The following PSMA8 variants were observed in gnomAD, a reference collection of about 807,000 sequenced individuals.
PSMA8 encodes proteasome 20S subunit alpha 8.
Under a neutral mutation model 32.4 loss-of-function variants are expected in PSMA8, and 18 were observed. The ratio of observed to expected loss-of-function variants is 0.56; its 90% CI spans 0.38 to 0.82. The LOEUF is 0.82. Ranked by LOEUF, PSMA8 falls within the 40% of genes least tolerant of loss-of-function variation. PSMA8 has a pLI of 0.00. For missense variants in PSMA8, 298 were observed against 300.7 expected (o/e 0.99, Z 0.07); for synonymous variants, 104 against 98.1 (o/e 1.06, Z -0.36).
chr18:26,175,249 C>A (rs190093984), intron 4 of PSMA8, among the ~76,000 whole-genome samples: 5 of 152,238 alleles, frequency 3.3e-5, no homozygotes, highest in East Asian at 1.9e-4. Flanking sequence ...TTAGCAGAGA[C>A]CTTGTCCTTC....
chr18:26,153,385 G>T (rs1053851222), intron 3 of PSMA8, among the ~76,000 whole-genome samples: 2 of 151,808 alleles, frequency 1.3e-5, no homozygotes, highest in African/African-American at 4.8e-5. Flanking sequence ...ATTGTAATTG[G>T]TTTTCAGATT....
Position 26,133,875 on chromosome 18 carries a change from G to A in PSMA8, c.-91G>A. 8 of 1,125,758 alleles carry A rather than the reference G, an allele frequency of 7.1e-6. No homozygotes were observed. The highest frequency in any genetic ancestry group is 4.0e-5 in the South Asian group (3 of 75,088). 69.7% of individuals were successfully genotyped at this position (1,125,758 alleles called of 1,614,324 possible). A position where few individuals can be genotyped will look rare whatever the true frequency, so the allele number is the denominator to read the frequency against. On this transcript the variant is annotated 5_prime_UTR_variant, in exon 1 of 7. Transcript: ENST00000415576. Reference sequence around the variant, plus strand: ...TTGAGGCGCGTGTGGAAGCGCTTCCGGGCGGTAGCACGCTGTGTTGGCGGC... The same window carrying A: ...TTGAGGCGCGTGTGGAAGCGCTTCCAGGCGGTAGCACGCTGTGTTGGCGGC...
intron 6 of PSMA8, among the ~76,000 whole-genome samples, 189 bp from the exon 7 acceptor site, chr18:26,192,130 G>T (rs183636881): frequency 1.3e-3 from 200 of 152,298 alleles, no homozygotes; most frequent in South Asian, 4.4e-3. Flanking sequence ...AAATGTCAGA[G>T]ATCTGGTTTT....
rs115424183 is a variant in PSMA8 at position 26,161,144 on chromosome 18, A to G, written c.477+2900A>G. 4.2e-3 allele frequency among the ~76,000 whole-genome samples: 643 copies of G among 152,298 alleles called. 3 individuals are homozygous for G. The highest frequency in any genetic ancestry group is 0.015 in the African/African-American group (610 of 41,548). On this transcript the variant is annotated intron_variant, in intron 4 of 6. Coordinates refer to ENST00000415576, the MANE Select transcript of PSMA8 (RefSeq NM_001025096.2). The stretch of plus-strand genomic sequence containing the variant: ...CAGCTTGTAGTTCCGTGAAATTATT[A>G]TGTCCCCTGATAGAAACATCCTCCC...
At chr18:26,149,882 C>A (rs950957341) in intron 2 of PSMA8, among the ~76,000 whole-genome samples, 2 of 152,080 alleles carry the variant, frequency 1.3e-5, no homozygotes, top group African/African-American at 4.8e-5. Context: ...GAATATGACA[C>A]TAAAAGTACA....
At chr18:26,177,393 C>T (rs1320565905) in intron 4 of PSMA8, among the ~76,000 whole-genome samples, 2 of 152,212 alleles carry the variant, frequency 1.3e-5, no homozygotes, top group Non-Finnish European at 2.9e-5. Flanking sequence ...CCTATTTTAA[C>T]CTTTCCAAAC....
chr18:26,144,829 C>A, intron 2 of PSMA8, 144 bp downstream of exon 2: 1 of 652,116 alleles, frequency 1.5e-6, no homozygotes, highest in Non-Finnish European at 2.3e-6. Flanking sequence ...AAAGCAAATA[C>A]TAACTTTGTA....
At chr18:26,151,548 G>T (rs1488094464) in intron 2 of PSMA8, among the ~76,000 whole-genome samples, 1 of 152,162 alleles carries the variant, frequency 6.6e-6, no homozygotes, top group Non-Finnish European at 1.5e-5. Flanking sequence ...TGAATTCAGT[G>T]AATATATATT....
chr18:26,137,208 A>G (rs1381784738), intron 1 of PSMA8, among the ~76,000 whole-genome samples: 1 of 152,184 alleles, frequency 6.6e-6, no homozygotes, highest in East Asian at 1.9e-4. Context: ...CTGTAATGCT[A>G]GCACTTTGGG....
chr18:26,161,431 C>G (rs2055134276), intron 4 of PSMA8, among the ~76,000 whole-genome samples: 1 of 152,174 alleles, frequency 6.6e-6, no homozygotes, highest in Non-Finnish European at 1.5e-5. Flanking sequence ...ATAGCCTGTT[C>G]TAGAATTACT....
chr18:26,171,202 T>A, intron 4 of PSMA8: 3 of 1,559,672 alleles, frequency 1.9e-6, no homozygotes, highest in Non-Finnish European at 2.6e-6. Flanking sequence ...AATTCATTCC[T>A]GAGCGGTGGC....
At position 26,152,000 on chromosome 18, in the gene PSMA8, C is replaced by T. The variant is rs377041693; in HGVS notation, c.354+18C>T. ...TAAAGCAGGTAAGCTAATATTCTAA[C>T]ATACTTTGTTAAGCTTTCTCCTTTT... On this transcript the variant is annotated intron_variant, in intron 3 of 6. Coordinates refer to ENST00000415576, the MANE Select transcript of PSMA8 (RefSeq NM_001025096.2). 38 of 1,581,328 alleles carry T rather than the reference C, an allele frequency of 2.4e-5. No homozygotes were observed. The highest frequency in any genetic ancestry group is 3.3e-5 in the Non-Finnish European group (38 of 1,167,634).
intron 2 of PSMA8, among the ~76,000 whole-genome samples, chr18:26,145,956 T>G (rs1408245223): frequency 6.6e-6 from 1 of 152,230 alleles, no homozygotes; most frequent in Admixed American, 6.5e-5. Flanking sequence ...TTATACTATT[T>G]TAAATTCCAA....
intron 6 of PSMA8, among the ~76,000 whole-genome samples, chr18:26,186,994 C>T (rs1442011900): frequency 6.6e-6 from 1 of 152,178 alleles, no homozygotes; most frequent in East Asian, 1.9e-4. Flanking sequence ...GGCCAGGAAT[C>T]AGTAGAAAGG....
At chr18:26,156,815 C>G (rs2144303780) in intron 3 of PSMA8, among the ~76,000 whole-genome samples, 1 of 150,916 alleles carries the variant, frequency 6.6e-6, no homozygotes, top group East Asian at 1.9e-4. Context: ...GAGACAGGAT[C>G]TCACTCTGTC....
chr18:26,153,991 G>T (rs1204287685), intron 3 of PSMA8, among the ~76,000 whole-genome samples: 2 of 151,796 alleles, frequency 1.3e-5, no homozygotes, highest in South Asian at 2.1e-4. Flanking sequence ...AACCTCTGCC[G>T]CACAGGTTCA....
intron 4 of PSMA8, among the ~76,000 whole-genome samples, chr18:26,158,950 G>A (rs2055113075): frequency 6.6e-6 from 1 of 152,050 alleles, no homozygotes; most frequent in South Asian, 2.1e-4. Flanking sequence ...TCCAGCCCAG[G>A]TGACAGAGCA....
chr18:26,190,013 G>T (rs1320222486), intron 6 of PSMA8, among the ~76,000 whole-genome samples: 1 of 152,176 alleles, frequency 6.6e-6, no homozygotes, highest in Non-Finnish European at 1.5e-5. Flanking sequence ...GATGGAACTG[G>T]AGATCATTAT....
At chr18:26,138,036 A>G (rs1315776734) in intron 1 of PSMA8, among the ~76,000 whole-genome samples, 1 of 152,224 alleles carries the variant, frequency 6.6e-6, no homozygotes, top group Non-Finnish European at 1.5e-5. Flanking sequence ...TTGTTGAAGC[A>G]ATGGAAAAAT....
Sources: allele counts gnomAD v4.1 joint callset (sites outside exome capture counted in the v4.1 genomes callset), GRCh38; gene constraint gnomAD v4.1.1; transcripts MANE v1.5; gene names NCBI Gene and HGNC (gene_info 2026-07-23, HGNC 2026-07-21).